Variants in PACRG observed in about 807,000 individuals in gnomAD.
The protein encoded by PACRG is parkin coregulated gene protein.
Under a neutral mutation model 29.7 loss-of-function variants are expected in PACRG, and 29 were observed. That is an observed-to-expected ratio of 0.98 (90% confidence interval 0.73 to 1.33). PACRG has a LOEUF of 1.33. PACRG is among the 40% of genes most tolerant of loss of function. The probability of loss-of-function intolerance (pLI) is 0.00; values close to 1 mark genes in which losing one functional copy is unlikely to be tolerated. For missense variants in PACRG, 279 were observed against 316.2 expected (o/e 0.88, Z 0.89); for synonymous variants, 116 against 118.7 (o/e 0.98, Z 0.15).
At chr6:162,998,779 A>G (rs1804316588) in intron 2 of PACRG, among the ~76,000 whole-genome samples, 1 of 152,196 alleles carries the variant, frequency 6.6e-6, no homozygotes, top group Admixed American at 6.5e-5. Context: ...TTGTATTTCC[A>G]TCCTATATGT....
At chr6:163,174,149 TC>T (rs1431383059) in intron 4 of PACRG, among the ~76,000 whole-genome samples, 1 of 152,226 alleles carries the variant, frequency 6.6e-6, no homozygotes, top group Admixed American at 6.5e-5. Flanking sequence ...TCTTTTGGCT[TC>T]CCTGGGCCAC....
chr6:163,234,554 T>G (rs1782161588), intron 4 of PACRG, among the ~76,000 whole-genome samples: 1 of 152,252 alleles, frequency 6.6e-6, no homozygotes, highest in East Asian at 1.9e-4. Context: ...CCTTAAAAAT[T>G]ATCCAGCCTC....
intron 4 of PACRG, among the ~76,000 whole-genome samples, chr6:163,237,620 C>T (rs529065713): frequency 2.6e-4 from 40 of 152,238 alleles, no homozygotes; most frequent in African/African-American, 8.7e-4. Flanking sequence ...CTTTGTCACC[C>T]CAGTTACTGT....
intron 4 of PACRG, among the ~76,000 whole-genome samples, chr6:163,145,367 C>G (rs981491919): frequency 6.6e-6 from 1 of 152,192 alleles, no homozygotes. Context: ...TATAATCAAA[C>G]CTAGTCATGC....
chr6:163,312,136 A>G (rs12211969), intron 4 of PACRG, among the ~76,000 whole-genome samples: 26,829 of 152,130 alleles, frequency 0.18, 2,376 homozygotes, highest in Middle Eastern at 0.21. Flanking sequence ...GCTCTGTCCT[A>G]TGCAAACAGG....
intron 2 of PACRG, among the ~76,000 whole-genome samples, chr6:162,864,246 T>C (rs553161894): frequency 6.6e-6 from 1 of 152,324 alleles, no homozygotes; most frequent in South Asian, 2.1e-4. Flanking sequence ...CTGCCAATTA[T>C]CCATATTTTG....
intron 1 of PACRG, among the ~76,000 whole-genome samples, chr6:162,769,614 T>C (rs984358386): frequency 6.6e-6 from 1 of 152,072 alleles, no homozygotes. Context: ...GTAAGAAGAA[T>C]GTCTCTGTAT....
At chr6:162,737,330 T>A (rs1476679834) in intron 1 of PACRG, among the ~76,000 whole-genome samples, 1 of 152,210 alleles carries the variant, frequency 6.6e-6, no homozygotes, top group African/African-American at 2.4e-5. Context: ...TGTAATCACT[T>A]GAAAGATTCC....
intron 1 of PACRG, among the ~76,000 whole-genome samples, chr6:162,735,604 A>C (rs1780103158): frequency 6.6e-6 from 1 of 151,656 alleles, no homozygotes; most frequent in South Asian, 2.1e-4. Context: ...TTTTTTATTT[A>C]TTTGTAGTAC....
At chr6:162,765,723 G>A (rs1417396855) in intron 1 of PACRG, among the ~76,000 whole-genome samples, 1 of 151,998 alleles carries the variant, frequency 6.6e-6, no homozygotes, top group Admixed American at 6.6e-5. Context: ...CATTTCTTTA[G>A]ATAAACATGT....
intron 4 of PACRG, among the ~76,000 whole-genome samples, chr6:163,148,128 A>C (rs1777878311): frequency 6.6e-6 from 1 of 152,134 alleles, no homozygotes; most frequent in South Asian, 2.1e-4. Flanking sequence ...AGATGCTTAT[A>C]GTGTGTGTGT....
intron 4 of PACRG, among the ~76,000 whole-genome samples, chr6:163,264,212 G>A (rs183119397): frequency 1.3e-4 from 20 of 152,236 alleles, no homozygotes; most frequent in Admixed American, 1.1e-3. Flanking sequence ...AAGTAAGGCC[G>A]GACCTCTGGA....
rs1781155305 is a variant in PACRG at position 162,747,453 on chromosome 6, AC to A, written c.156+19063del. 3.0e-4 allele frequency among the ~76,000 whole-genome samples: 13 copies of A among 43,438 alleles called. 2 individuals carry two copies. Among genetic ancestry groups the A allele is most frequent in the Admixed American group, 6.2e-4 (2 of 3,244 alleles). The allele number at this position is 43,438 out of a possible 152,430, so 28.5% of individuals were successfully genotyped here. ...ATATGTAAAACTATATATATATATAACTATAAATATATATGTAAAACTATAT... is the reference window on the plus strand; with the variant it reads ...ATATGTAAAACTATATATATATATAATATAAATATATATGTAAAACTATAT... On this transcript the variant is annotated intron_variant, in intron 1 of 4. Transcript: ENST00000366888.
chr6:163,263,115 T>G (rs1302260938), intron 4 of PACRG, among the ~76,000 whole-genome samples: 1 of 144,696 alleles, frequency 6.9e-6, no homozygotes, highest in East Asian at 2.0e-4. Flanking sequence ...ACATACTAGA[T>G]CCAAGGCCCT....
intron 2 of PACRG, among the ~76,000 whole-genome samples, chr6:162,940,231 GA>G (rs1298245480): frequency 1.3e-5 from 2 of 152,150 alleles, no homozygotes; most frequent in African/African-American, 4.8e-5. Flanking sequence ...AGGTTTAGAA[GA>G]AAAACTTAAG....
At chr6:163,311,595 C>T (rs553204273) in intron 4 of PACRG, among the ~76,000 whole-genome samples, 11 of 152,314 alleles carry the variant, frequency 7.2e-5, no homozygotes, top group African/African-American at 2.4e-4. Flanking sequence ...GACCCCAAAC[C>T]GTGCAGGGTC....
At chr6:163,081,455 T>C (rs1266969287) in intron 3 of PACRG, among the ~76,000 whole-genome samples, 1 of 152,158 alleles carries the variant, frequency 6.6e-6, no homozygotes, top group Admixed American at 6.5e-5. Flanking sequence ...TGCCACTAAA[T>C]TGTATACTTT....
intron 4 of PACRG, among the ~76,000 whole-genome samples, chr6:163,305,696 G>T (rs1319406715): frequency 6.6e-6 from 1 of 152,128 alleles, no homozygotes; most frequent in African/African-American, 2.4e-5. Context: ...TTGTCATCCT[G>T]CCTGTATCTC....
intron 1 of PACRG, among the ~76,000 whole-genome samples, chr6:162,788,293 G>A (rs779519831): frequency 2.0e-5 from 3 of 152,130 alleles, no homozygotes; most frequent in Admixed American, 6.5e-5. Flanking sequence ...GCATCTTTCA[G>A]CTAGTCATAT....
Sources: allele counts gnomAD v4.1 joint callset (sites outside exome capture counted in the v4.1 genomes callset), GRCh38; gene constraint gnomAD v4.1.1; transcripts MANE v1.5; gene names NCBI Gene and HGNC (gene_info 2026-07-23, HGNC 2026-07-21).